The following LRRC1 variants were observed in gnomAD, a reference collection of about 807,000 sequenced individuals.
LRRC1 encodes the protein leucine rich repeat containing 1, also known as leucine-rich repeat-containing protein 1.
Under a neutral mutation model 69.9 loss-of-function variants are expected in LRRC1, and 28 were observed. That is an observed-to-expected ratio of 0.40 (90% confidence interval 0.30 to 0.55). The LOEUF is 0.55. LRRC1 is among the 20% of genes least tolerant of loss of function. LRRC1 has a pLI of 0.47. For synonymous variants in LRRC1, 236 were observed against 240.2 expected, an observed-to-expected ratio of 0.98 and a Z score of 0.16; for missense variants, 498 against 609.0, an observed-to-expected ratio of 0.82 and a Z score of 1.92.
intron 1 of LRRC1, among the ~76,000 whole-genome samples, chr6:53,805,095 G>A (rs1319872177): frequency 1.3e-5 from 2 of 152,042 alleles, no homozygotes; most frequent in Non-Finnish European, 2.9e-5. Flanking sequence ...TCTGGAAAAG[G>A]CCTCGGGTAG....
Position 53,795,024 on chromosome 6 carries a change from T to C in LRRC1, c.-233T>C. ...GGGGGCGGCGACGGCGACTGGCGGGTGGGAGTGGAGGCACCGGCTGGCGGG... is the reference window on the plus strand; with the variant it reads ...GGGGGCGGCGACGGCGACTGGCGGGCGGGAGTGGAGGCACCGGCTGGCGGG... On this transcript the variant is annotated 5_prime_UTR_variant, in exon 1 of 14. Transcript: ENST00000370888. 3.2e-6 allele frequency: 1 copy of C among 314,938 alleles called. No homozygotes were observed. The highest frequency in any genetic ancestry group is 5.7e-6 in the Non-Finnish European group (1 of 175,192). The allele number at this position is 314,938 out of a possible 1,614,324, so 19.5% of individuals were successfully genotyped here.
chr6:53,814,688 T>C (rs1764900206), intron 1 of LRRC1, among the ~76,000 whole-genome samples: 1 of 152,220 alleles, frequency 6.6e-6, no homozygotes, highest in Non-Finnish European at 1.5e-5. Context: ...TTTATTAAGC[T>C]AACGTTAAAT....
chr6:53,853,457 G>A (rs922205680), intron 2 of LRRC1, among the ~76,000 whole-genome samples: 1 of 151,874 alleles, frequency 6.6e-6, no homozygotes, highest in African/African-American at 2.4e-5. Flanking sequence ...GCTAATTTTT[G>A]TATATTTAGT....
intron 10 of LRRC1, among the ~76,000 whole-genome samples, chr6:53,912,650 A>G (rs1768449731): frequency 6.6e-6 from 1 of 152,230 alleles, no homozygotes. Context: ...GGAAATAAAA[A>G]GATTATGTAT....
At chr6:53,860,083 T>C (rs904335250) in intron 2 of LRRC1, among the ~76,000 whole-genome samples, 4 of 152,208 alleles carry the variant, frequency 2.6e-5, no homozygotes, top group Non-Finnish European at 4.4e-5. Flanking sequence ...TAGAAATTGA[T>C]CCAGTATCCC....
chr6:53,849,078 T>TTTTTTTTG (rs1562042365), intron 2 of LRRC1, among the ~76,000 whole-genome samples: 1 of 150,890 alleles, frequency 6.6e-6, no homozygotes, highest in Non-Finnish European at 1.5e-5. Context: ...TTTTTTTTTT[T>TTTTTTTTG]TTAGTTAGCA....
In LRRC1 at chr6:53,851,209, A is replaced by AATAT. The variant is rs5876342; in HGVS notation, c.277+8994_277+8997dup. On this transcript the variant is annotated intron_variant, in intron 2 of 13. Coordinates refer to ENST00000370888, the MANE Select transcript of LRRC1 (RefSeq NM_018214.5). Reference sequence around the variant, plus strand: ...ACACACACACACACACACACACGTGAATATATATATATATAAATCATATAT... The same window carrying AATAT: ...ACACACACACACACACACACACGTGAATATATATATATATATATAAATCATATAT... Among the ~76,000 whole-genome samples the AATAT allele has an allele frequency of 6.1e-3, 814 of 134,282 alleles. 3 individuals carry two copies. Among genetic ancestry groups the AATAT allele is most frequent in the Non-Finnish European group, 7.6e-3 (469 of 61,818 alleles). The allele number at this position is 134,282 out of a possible 152,430, so 88.1% of individuals were successfully genotyped here.
chr6:53,910,942 G>A (rs1301678996), intron 10 of LRRC1, among the ~76,000 whole-genome samples: 1 of 152,242 alleles, frequency 6.6e-6, no homozygotes. Flanking sequence ...TGGAAAGAGG[G>A]CTGTGTTTAT....
intron 7 of LRRC1, among the ~76,000 whole-genome samples, chr6:53,897,628 T>C (rs1378011586): frequency 3.9e-5 from 6 of 152,202 alleles, no homozygotes; most frequent in Non-Finnish European, 8.8e-5. Context: ...TTGCTACCCA[T>C]ATAGCTTACT....
chr6:53,826,827 G>T (rs980233552), intron 1 of LRRC1, among the ~76,000 whole-genome samples: 1 of 151,512 alleles, frequency 6.6e-6, no homozygotes, highest in Non-Finnish European at 1.5e-5. Flanking sequence ...TAATAGCTGA[G>T]ACTTTTTTTT....
At chr6:53,857,707 G>A (rs1766357614) in intron 2 of LRRC1, among the ~76,000 whole-genome samples, 1 of 152,200 alleles carries the variant, frequency 6.6e-6, no homozygotes, top group Non-Finnish European at 1.5e-5. Context: ...CTGGCATTTG[G>A]GAGGTCATCT....
intron 1 of LRRC1, among the ~76,000 whole-genome samples, chr6:53,818,795 A>G (rs1765027760): frequency 1.3e-5 from 2 of 152,190 alleles, no homozygotes; most frequent in Non-Finnish European, 2.9e-5. Context: ...ACTTCCTTTT[A>G]CTTCTAGGAA....
At chr6:53,873,681 A>T (rs556907361) in intron 2 of LRRC1, among the ~76,000 whole-genome samples, 2 of 151,944 alleles carry the variant, frequency 1.3e-5, no homozygotes, top group Non-Finnish European at 1.5e-5. Context: ...TGGGTTTTTT[A>T]TGGAGTCTTT....
chr6:53,861,255 T>C (rs1042496199), intron 2 of LRRC1, among the ~76,000 whole-genome samples: 1 of 151,888 alleles, frequency 6.6e-6, no homozygotes, highest in Non-Finnish European at 1.5e-5. Context: ...CCTACCTGCA[T>C]GTAGGTGTTG....
intron 2 of LRRC1, among the ~76,000 whole-genome samples, chr6:53,858,452 T>C (rs1766390232): frequency 6.6e-6 from 1 of 152,062 alleles, no homozygotes; most frequent in Admixed American, 6.5e-5. Context: ...CTCTGTGTTA[T>C]GAGATCATAG....
intron 10 of LRRC1, among the ~76,000 whole-genome samples, chr6:53,910,000 C>T (rs1768360206): frequency 6.6e-6 from 1 of 152,158 alleles, no homozygotes; most frequent in Admixed American, 6.5e-5. Context: ...TCATGATCTC[C>T]TCCTTGGGTG....
chr6:53,799,598 C>A (rs5001609), intron 1 of LRRC1, among the ~76,000 whole-genome samples: 23 of 152,228 alleles, frequency 1.5e-4, no homozygotes, highest in African/African-American at 4.6e-4. Flanking sequence ...CTTTGATTGC[C>A]TTATCTTTGA....
chr6:53,882,003 CAT>C (rs1293629055), intron 3 of LRRC1, among the ~76,000 whole-genome samples: 1 of 152,030 alleles, frequency 6.6e-6, no homozygotes, highest in African/African-American at 2.4e-5. Context: ...CATAGTAAAA[CAT>C]AAAATTATTT....
At chr6:53,804,817 A>G (rs1764592335) in intron 1 of LRRC1, among the ~76,000 whole-genome samples, 1 of 152,244 alleles carries the variant, frequency 6.6e-6, no homozygotes, top group Admixed American at 6.5e-5. Flanking sequence ...AAATATTGCT[A>G]GATTTTCAGT....
Sources: allele counts gnomAD v4.1 joint callset (sites outside exome capture counted in the v4.1 genomes callset), GRCh38; gene constraint gnomAD v4.1.1; transcripts MANE v1.5; gene names NCBI Gene and HGNC (gene_info 2026-07-23, HGNC 2026-07-21).